Variants in SDK2 observed in about 807,000 individuals in gnomAD.
SDK2 encodes the protein protein sidekick-2.
SDK2 carries 105 observed loss-of-function variants against 253.9 expected under a neutral mutation model. That is an observed-to-expected ratio of 0.41 (90% CI 0.35 to 0.49). The LOEUF (loss-of-function observed/expected upper bound fraction) is 0.49, where lower values mean the gene tolerates loss of function less well. SDK2 is among the 20% of genes least tolerant of loss of function. SDK2 has a pLI of 0.06. For synonymous variants in SDK2, 1,249 were observed against 1,234.9 expected (o/e 1.01, Z -0.24); for missense variants, 2,608 against 3,003.0 (o/e 0.87, Z 3.07).
At chr17:73,454,650 C>T (rs2063510592) in intron 4 of SDK2, among the ~76,000 whole-genome samples, 1 of 152,182 alleles carries the variant, frequency 6.6e-6, no homozygotes, top group African/African-American at 2.4e-5. Context: ...GCTCAGTCCT[C>T]AGGACATAGC....
intron 1 of SDK2, among the ~76,000 whole-genome samples, chr17:73,585,419 C>G (rs1242521025): frequency 1.3e-5 from 2 of 152,192 alleles, no homozygotes; most frequent in Non-Finnish European, 2.9e-5. Flanking sequence ...GAGCAGGAAT[C>G]CCCCGGAGGG....
chr17:73,640,824 C>G (rs958077884), intron 1 of SDK2, among the ~76,000 whole-genome samples: 1 of 152,114 alleles, frequency 6.6e-6, no homozygotes, highest in African/African-American at 2.4e-5. Context: ...CTTCTGTTCT[C>G]CCCCCAGGCA....
rs549459567 is a variant in SDK2, at chr17:73,415,309, C to T, written c.2368+502G>A. Among the ~76,000 whole-genome samples, 3 of 152,060 alleles carry T rather than the reference C, an allele frequency of 2.0e-5. No homozygotes were observed. The East Asian group carries it at 5.8e-4, about 29-fold the overall frequency. On this transcript the variant is annotated intron_variant, in intron 17 of 44. Transcript: ENST00000392650. Reference sequence around the variant, plus strand: ...CATGGGACTGGGAGAAGGGGAAGCACCTGCTCCTCTGAGGCCATAGTCTCT... The same window carrying T: ...CATGGGACTGGGAGAAGGGGAAGCATCTGCTCCTCTGAGGCCATAGTCTCT...
rs978574539 is a variant in SDK2 at position 73,395,956 on chromosome 17, T to C, written c.3355-564A>G. ...TTTTAAGACAGGGTCTGGCTCTGTC[T>C]CTCAGGCTGCAGTGCCATGGTGCTG... On this transcript the variant is annotated intron_variant, in intron 24 of 44. Transcript: ENST00000392650. The surrounding 1 kb of genome is among the most constrained non-coding windows in gnomAD (Gnocchi z 4.3). Among the ~76,000 whole-genome samples, 1 of 151,806 alleles carries C rather than the reference T, an allele frequency of 6.6e-6. No homozygotes were observed. Among genetic ancestry groups the C allele is most frequent in the African/African-American group, 2.4e-5 (1 of 41,286 alleles).
chr17:73,441,991 A>T (rs978216996), intron 5 of SDK2, among the ~76,000 whole-genome samples: 4 of 152,250 alleles, frequency 2.6e-5, no homozygotes, highest in Admixed American at 6.5e-5. Flanking sequence ...CTCTTAACAT[A>T]TTGTCAACTT....
At chr17:73,344,437 T>C (rs2062465487) in intron 44 of SDK2, among the ~76,000 whole-genome samples, 1 of 152,198 alleles carries the variant, frequency 6.6e-6, no homozygotes, top group Non-Finnish European at 1.5e-5. Context: ...GAGGCCAGGC[T>C]GCAGTAGGCA....
intron 32 of SDK2, 89 bp downstream of exon 32, chr17:73,385,758 C>T (rs980145874): frequency 4.3e-5 from 53 of 1,239,780 alleles, no homozygotes; most frequent in African/African-American, 1.9e-4. Flanking sequence ...GGGGGCTCCA[C>T]GCAGCCCTGG....
chr17:73,479,313 G>T (rs1018480654), intron 2 of SDK2, among the ~76,000 whole-genome samples: 1 of 152,210 alleles, frequency 6.6e-6, no homozygotes, highest in African/African-American at 2.4e-5. Context: ...GGCAGGAGAA[G>T]CAGCAAGTGC....
At chr17:73,437,638 G>T in intron 8 of SDK2, 101 bp downstream of exon 8, 2 of 1,017,740 alleles carry the variant, frequency 2.0e-6, no homozygotes, top group Non-Finnish European at 1.6e-6. Context: ...CTAGTGACAT[G>T]GTCTCGAGAA....
intron 1 of SDK2, among the ~76,000 whole-genome samples, chr17:73,628,944 G>A (rs1260314778): frequency 6.6e-6 from 1 of 152,184 alleles, no homozygotes; most frequent in Non-Finnish European, 1.5e-5. Context: ...GTGAGCTGGA[G>A]AAGCCAGATC....
chr17:73,594,608 AC>A (rs2045727784), intron 1 of SDK2, among the ~76,000 whole-genome samples: 1 of 152,012 alleles, frequency 6.6e-6, no homozygotes, highest in Admixed American at 6.6e-5. Flanking sequence ...ACACACACAC[AC>A]AACACATACA....
At chr17:73,556,327 T>G (rs2045142886) in intron 1 of SDK2, among the ~76,000 whole-genome samples, 1 of 125,696 alleles carries the variant, frequency 8.0e-6, no homozygotes, top group South Asian at 2.7e-4. Context: ...GTTTGGGTTT[T>G]TTTTATTGTT....
At chr17:73,428,388 T>C (rs1304299651) in intron 12 of SDK2, among the ~76,000 whole-genome samples, 5 of 151,990 alleles carry the variant, frequency 3.3e-5, no homozygotes, top group Admixed American at 6.6e-5. Context: ...TAGAACTATT[T>C]TGGAGGTTTT....
chr17:73,565,686 G>A (rs1473585999), intron 1 of SDK2, among the ~76,000 whole-genome samples: 2 of 152,214 alleles, frequency 1.3e-5, no homozygotes, highest in Non-Finnish European at 2.9e-5. Flanking sequence ...GTGGAAATGC[G>A]ATCTCCAGTG....
intron 1 of SDK2, among the ~76,000 whole-genome samples, chr17:73,553,136 T>C (rs2045089349): frequency 6.6e-6 from 1 of 152,158 alleles, no homozygotes; most frequent in Non-Finnish European, 1.5e-5. Flanking sequence ...TTGGCCCCAC[T>C]CTGGGCATGG....
In SDK2 at chr17:73,457,939, T is replaced by G. The variant is rs2063539579; in HGVS notation, c.332-1886A>C. Among the ~76,000 whole-genome samples the G allele has an allele frequency of 6.6e-5, 10 of 152,046 alleles. No individual in the cohort carries two copies. In the South Asian group the frequency reaches 2.1e-3, roughly 32 times the overall value. ...GAGGACCCTTTAATATTCCCAGAGG[T>G]GAGAATCTTTTGGGGTGTGTGGGCT... is the stretch of plus-strand genomic sequence containing the variant. On this transcript the variant is annotated intron_variant, in intron 3 of 44. Transcript: ENST00000392650.
At chr17:73,440,084 C>T (rs1435780749) in intron 6 of SDK2, among the ~76,000 whole-genome samples, 1 of 150,098 alleles carries the variant, frequency 6.7e-6, no homozygotes, top group Non-Finnish European at 1.5e-5. Flanking sequence ...GACCCCTGAT[C>T]TGCCCTACTC....
intron 1 of SDK2, among the ~76,000 whole-genome samples, chr17:73,585,543 T>C (rs2045592022): frequency 6.6e-6 from 1 of 152,138 alleles, no homozygotes; most frequent in Non-Finnish European, 1.5e-5. Flanking sequence ...AACTAGCAAG[T>C]CTCTTGGGTT....
intron 3 of SDK2, among the ~76,000 whole-genome samples, chr17:73,463,508 C>T (rs530865203): frequency 1.3e-5 from 2 of 152,170 alleles, no homozygotes; most frequent in Non-Finnish European, 2.9e-5. Flanking sequence ...CTAACAATAC[C>T]TTTCCCCTAC....
Sources: allele counts gnomAD v4.1 joint callset (sites outside exome capture counted in the v4.1 genomes callset), GRCh38; gene constraint gnomAD v4.1.1; non-coding constraint Gnocchi (gnomAD v3.1); transcripts MANE v1.5; gene names NCBI Gene and HGNC (gene_info 2026-07-23, HGNC 2026-07-21).